Variants in NYAP2 observed in about 807,000 individuals in gnomAD.
NYAP2 encodes neuronal tyrosine-phosphorylated phosphoinositide-3-kinase adapter 2.
In NYAP2, 23 loss-of-function variants were observed where a neutral mutation model predicts 50.4. The observed-to-expected ratio is 0.46, with a 90% CI of 0.33 to 0.65. NYAP2 has a LOEUF of 0.65. NYAP2 is among the 30% of genes least tolerant of loss of function. The pLI is 0.02. For missense variants in NYAP2, 885 were observed against 861.0 expected (o/e 1.03, Z -0.35); for synonymous variants, 394 against 365.2 (o/e 1.08, Z -0.90).
intron 3 of NYAP2, among the ~76,000 whole-genome samples, chr2:225,469,824 G>C (rs191979486): frequency 4.6e-5 from 7 of 152,120 alleles, no homozygotes; most frequent in South Asian, 4.1e-4. Flanking sequence ...CACAGGGAGG[G>C]GAACATCACA....
chr2:225,628,586 G>A (rs1034580750), intron 6 of NYAP2, among the ~76,000 whole-genome samples: 1 of 152,074 alleles, frequency 6.6e-6, no homozygotes, highest in Non-Finnish European at 1.5e-5. Flanking sequence ...GCCTTCCAAA[G>A]TGCTAGGATT....
intron 3 of NYAP2, among the ~76,000 whole-genome samples, chr2:225,429,428 T>C (rs1695332548): frequency 6.6e-6 from 1 of 152,232 alleles, no homozygotes; most frequent in South Asian, 2.1e-4. Flanking sequence ...TCTTCAGATT[T>C]TCACAAAGTT....
intron 4 of NYAP2, among the ~76,000 whole-genome samples, chr2:225,537,658 G>A (rs1691375226): frequency 6.6e-6 from 1 of 152,112 alleles, no homozygotes; most frequent in African/African-American, 2.4e-5. Context: ...TGGGGACACA[G>A]CCAAACCATA....
chr2:225,689,751 G>T, the NYAP2 span, among the ~76,000 whole-genome samples: 1 of 152,040 alleles, frequency 6.6e-6, no homozygotes, highest in Non-Finnish European at 1.5e-5. Context: ...ATGATCAGTA[G>T]ATTAGAGTTA....
intron 4 of NYAP2, among the ~76,000 whole-genome samples, chr2:225,561,204 A>C (rs2106215807): frequency 6.6e-6 from 1 of 152,262 alleles, no homozygotes; most frequent in Admixed American, 6.5e-5. Flanking sequence ...ATTTTGAATA[A>C]GGTGGTCATG....
chr2:225,586,439 C>T (rs1312127500), intron 5 of NYAP2, among the ~76,000 whole-genome samples: 1 of 152,146 alleles, frequency 6.6e-6, no homozygotes, highest in East Asian at 1.9e-4. Context: ...TAGTCTGTAG[C>T]TCTAGTACTT....
intron 5 of NYAP2, among the ~76,000 whole-genome samples, chr2:225,609,296 T>C (rs957114698): frequency 6.6e-5 from 10 of 152,158 alleles, no homozygotes; most frequent in African/African-American, 2.4e-4. Context: ...ATGCCGTTCA[T>C]ACTCTTCTTA....
At chr2:225,626,004 T>C (rs1307162393) in intron 5 of NYAP2, among the ~76,000 whole-genome samples, 2 of 152,120 alleles carry the variant, frequency 1.3e-5, no homozygotes, top group African/African-American at 4.8e-5. Flanking sequence ...AGAAATAAAA[T>C]CTGTACAATC....
intron 3 of NYAP2, among the ~76,000 whole-genome samples, chr2:225,474,550 G>A (rs1053415677): frequency 6.6e-6 from 1 of 152,054 alleles, no homozygotes; most frequent in Non-Finnish European, 1.5e-5. Flanking sequence ...GGATTCCTAG[G>A]TATTTTATTC....
intron 5 of NYAP2, among the ~76,000 whole-genome samples, chr2:225,598,319 C>T (rs549865827): frequency 2.0e-5 from 3 of 152,024 alleles, no homozygotes; most frequent in African/African-American, 7.3e-5. Context: ...TTAAAAATGT[C>T]CTGGTTACAA....
intron 3 of NYAP2, among the ~76,000 whole-genome samples, chr2:225,433,593 G>A (rs749097465): frequency 1.3e-5 from 2 of 151,772 alleles, no homozygotes; most frequent in Non-Finnish European, 2.9e-5. Flanking sequence ...GAGTAGAGTA[G>A]GGAAGTTCCA....
At position 225,497,665 on chromosome 2, in the gene NYAP2, C is replaced by T. The variant is rs139877686; in HGVS notation, c.222-15706C>T. 2.3e-3 allele frequency among the ~76,000 whole-genome samples: 343 copies of T among 152,316 alleles called. 3 individuals are homozygous for T. The highest frequency in any genetic ancestry group is 7.9e-3 in the African/African-American group (327 of 41,570). On this transcript the variant is annotated intron_variant, in intron 3 of 6. Coordinates refer to ENST00000636099, the Ensembl canonical transcript of NYAP2. ...CATGGGGTAAGGTATTACTACCTCACTGGATAAATGAATGAATCTATTGGG... is the reference window on the plus strand; with the variant it reads ...CATGGGGTAAGGTATTACTACCTCATTGGATAAATGAATGAATCTATTGGG...
intron 4 of NYAP2, among the ~76,000 whole-genome samples, chr2:225,527,823 T>A (rs904200244): frequency 2.0e-5 from 3 of 152,238 alleles, no homozygotes; most frequent in South Asian, 4.2e-4. Context: ...AATTTTTCTA[T>A]TTTTTGTAGA....
intron 3 of NYAP2, among the ~76,000 whole-genome samples, chr2:225,428,618 C>T (rs1695320202): frequency 6.6e-6 from 1 of 152,174 alleles, no homozygotes; most frequent in African/African-American, 2.4e-5. Context: ...AGCTTTCAAA[C>T]ACCTGCTACT....
chr2:225,627,061 T>G, exon 6 of NYAP2: 4 of 1,597,966 alleles, frequency 2.5e-6, no homozygotes, highest in Non-Finnish European at 3.4e-6. Context: ...GGGACACCTG[T>G]GGTCACCAGT....
the NYAP2 span, among the ~76,000 whole-genome samples, chr2:225,662,859 A>G: frequency 1.3e-5 from 2 of 152,220 alleles, no homozygotes; most frequent in African/African-American, 4.8e-5. Flanking sequence ...CACTTGTCTG[A>G]TATAAACCTA....
chr2:225,683,830 G>A, the NYAP2 span, among the ~76,000 whole-genome samples: 3 of 152,092 alleles, frequency 2.0e-5, no homozygotes, highest in South Asian at 2.1e-4. Context: ...GGAAGTAAAC[G>A]GCTTGCTCCT....
rs147069296 is a variant in NYAP2, at chr2:225,427,386, G to A, written c.221+18285G>A. On this transcript the variant is annotated intron_variant, in intron 3 of 6. Transcript: ENST00000636099. ...TTCCTTTTAATATCACAGTTTCCTC[G>A]TCTGTGACAATCACAATCCCAATGT... 4.0e-3 allele frequency among the ~76,000 whole-genome samples: 606 copies of A among 152,182 alleles called. 3 individuals carry two copies. Among genetic ancestry groups the A allele is most frequent in the African/African-American group, 0.014 (570 of 41,496 alleles).
chr2:225,537,263 A>G (rs142574235), intron 4 of NYAP2, among the ~76,000 whole-genome samples: 28 of 152,276 alleles, frequency 1.8e-4, no homozygotes, highest in African/African-American at 6.0e-4. Context: ...TTCACTTAAC[A>G]TAATTATTTC....
Sources: gnomAD v4.1 joint callset for allele counts (sites outside exome capture counted in the v4.1 genomes callset) on GRCh38, gnomAD v4.1.1 for gene constraint, MANE v1.5 for transcripts, NCBI Gene and HGNC (gene_info 2026-07-23, HGNC 2026-07-21) for gene names.